Variants in SOX6 observed in about 807,000 individuals in gnomAD.
SOX6 encodes SRY-box transcription factor 6.
Under a neutral mutation model 97.8 loss-of-function variants are expected in SOX6, and 11 were observed. The observed-to-expected ratio is 0.11, with a 90% confidence interval of 0.07 to 0.19. The LOEUF is 0.19. Ranked by LOEUF, SOX6 falls within the 10% of genes least tolerant of loss-of-function variation. SOX6 has a pLI of 1.00. For synonymous variants in SOX6, 360 were observed against 371.4 expected, an observed-to-expected ratio of 0.97 and a Z score of 0.35; for missense variants, 810 against 1,039.5, an observed-to-expected ratio of 0.78 and a Z score of 3.04.
chr11:16,287,199 T>A (rs995141304), intron 3 of SOX6, among the ~76,000 whole-genome samples: 1 of 151,838 alleles, frequency 6.6e-6, no homozygotes, highest in African/African-American at 2.4e-5. Flanking sequence ...AAAGAGATGC[T>A]ATATTGTGCT....
At chr11:16,184,088 G>A (rs1021302528) in intron 5 of SOX6, 134 bp from the exon 6 acceptor site, 2 of 808,178 alleles carry the variant, frequency 2.5e-6, no homozygotes, top group Non-Finnish European at 4.0e-6. Context: ...AATGAGAGAG[G>A]CCAAATCAGA....
intron 9 of SOX6, among the ~76,000 whole-genome samples, chr11:16,084,590 A>G (rs1176937615): frequency 6.6e-6 from 1 of 152,148 alleles, no homozygotes; most frequent in Non-Finnish European, 1.5e-5. Flanking sequence ...TGAGGTTCAC[A>G]GGAAATTAGC....
intron 7 of SOX6, among the ~76,000 whole-genome samples, chr11:16,108,187 A>G (rs1243217380): frequency 6.6e-6 from 1 of 152,192 alleles, no homozygotes; most frequent in African/African-American, 2.4e-5. Context: ...AGTATCAATC[A>G]GTAAGCTTTA....
At chr11:16,646,732 C>T (rs1009237841) in intron 3 of SOX6, among the ~76,000 whole-genome samples, 1 of 152,170 alleles carries the variant, frequency 6.6e-6, no homozygotes, top group Admixed American at 6.5e-5. Flanking sequence ...TTTGGTTTTC[C>T]ATTCCTCAGT....
intron 12 of SOX6, among the ~76,000 whole-genome samples, chr11:16,032,911 G>C (rs1855417912): frequency 6.6e-6 from 1 of 152,128 alleles, no homozygotes; most frequent in African/African-American, 2.4e-5. Flanking sequence ...CTCTTCTACA[G>C]AACTTTTTTT....
At position 16,440,302 on chromosome 11, in the gene SOX6, T is replaced by G. The variant is rs143899188; in HGVS notation, c.-5+36013A>C. On this transcript the variant is annotated intron_variant, in intron 1 of 15. Coordinates refer to the SOX6 transcript ENST00000396356. ...ATGTCAGGAAGAATTAATTTCCTCATTTTTCAAAAGGATACACAGAAATTA... is the reference window on the plus strand; with the variant it reads ...ATGTCAGGAAGAATTAATTTCCTCAGTTTTCAAAAGGATACACAGAAATTA... 5.9e-3 allele frequency among the ~76,000 whole-genome samples: 894 copies of G among 152,308 alleles called. 13 individuals are homozygous for G. The highest frequency in any genetic ancestry group is 0.019 in the African/African-American group (801 of 41,566).
intron 9 of SOX6, among the ~76,000 whole-genome samples, chr11:16,075,917 G>A (rs1157823403): frequency 6.6e-6 from 1 of 151,784 alleles, no homozygotes; most frequent in African/African-American, 2.4e-5. Flanking sequence ...TTCACTTCCT[G>A]TGAGAACAGC....
At chr11:16,261,198 T>C (rs1423871332) in intron 3 of SOX6, among the ~76,000 whole-genome samples, 3 of 152,170 alleles carry the variant, frequency 2.0e-5, no homozygotes, top group African/African-American at 7.2e-5. Flanking sequence ...AATCCATCTG[T>C]CTTGCTCACT....
At chr11:15,982,422 A>G (rs1408674834) in intron 15 of SOX6, among the ~76,000 whole-genome samples, 1 of 152,068 alleles carries the variant, frequency 6.6e-6, no homozygotes, top group Non-Finnish European at 1.5e-5. Context: ...TATCATTGCT[A>G]AAAAAGTAGC....
chr11:16,604,104 G>A (rs1461227937), intron 4 of SOX6, among the ~76,000 whole-genome samples: 1 of 152,248 alleles, frequency 6.6e-6, no homozygotes, highest in East Asian at 1.9e-4. Context: ...AAATGCCATT[G>A]CGGGATCAGC....
chr11:16,236,796 T>A (rs1853037977), intron 3 of SOX6, among the ~76,000 whole-genome samples: 1 of 151,916 alleles, frequency 6.6e-6, no homozygotes, highest in Non-Finnish European at 1.5e-5. Context: ...TAAAACTTCA[T>A]GGGAGAAAAA....
Position 16,300,737 on chromosome 11 carries a change from A to G in SOX6, c.445+17709T>C, listed in dbSNP as rs1384709459. On this transcript the variant is annotated intron_variant, in intron 3 of 15. Transcript: ENST00000683767. This position sits in a 1 kb window ranked among gnomAD's most constrained non-coding sequence, Gnocchi z 4.1. ...GGCTGTTCACCTTAACAACTAGGAA[A>G]TTCACTTCTACCTAGGCCACCTCAA... Among the ~76,000 whole-genome samples the G allele has an allele frequency of 6.6e-6, 1 of 152,194 alleles. No individual in the cohort carries two copies. The highest frequency in any genetic ancestry group is 1.5e-5 in the Non-Finnish European group (1 of 68,028).
chr11:15,995,521 G>C (rs754380860), intron 13 of SOX6, among the ~76,000 whole-genome samples: 1 of 152,072 alleles, frequency 6.6e-6, no homozygotes, highest in Non-Finnish European at 1.5e-5. Flanking sequence ...AAAAGTATGA[G>C]TTGTACAAAC....
chr11:16,242,768 T>G (rs1452136713), intron 3 of SOX6, among the ~76,000 whole-genome samples: 3 of 151,962 alleles, frequency 2.0e-5, no homozygotes, highest in African/African-American at 7.2e-5. Flanking sequence ...TTATAAAATG[T>G]TTTTACTGAT....
chr11:16,204,700 A>G (rs1428613897), intron 4 of SOX6, among the ~76,000 whole-genome samples: 1 of 152,122 alleles, frequency 6.6e-6, no homozygotes, highest in African/African-American at 2.4e-5. Flanking sequence ...TATCTTATCT[A>G]TTAAAAACTA....
intron 4 of SOX6, among the ~76,000 whole-genome samples, chr11:16,494,624 C>T (rs894796466): frequency 1.3e-5 from 2 of 151,956 alleles, no homozygotes; most frequent in Admixed American, 6.5e-5. Flanking sequence ...CCCTTCAAAT[C>T]GATCACTTAA....
At chr11:16,341,345 G>A in intron 1 of SOX6, 93 bp from the exon 2 acceptor site, 1 of 1,502,970 alleles carries the variant, frequency 6.7e-7, no homozygotes, top group Non-Finnish European at 8.9e-7. Context: ...AAGAAGGAAA[G>A]TTATTTAACT....
At chr11:16,409,924 AC>A (rs1452364226) in intron 1 of SOX6, among the ~76,000 whole-genome samples, 7 of 152,086 alleles carry the variant, frequency 4.6e-5, no homozygotes, top group African/African-American at 1.7e-4. Context: ...AAAACCAAAA[AC>A]CACATGTTCT....
At chr11:16,289,465 G>A (rs1854845830) in intron 3 of SOX6, among the ~76,000 whole-genome samples, 1 of 151,910 alleles carries the variant, frequency 6.6e-6, no homozygotes, top group Non-Finnish European at 1.5e-5. Context: ...AACAACTGAG[G>A]TATCTCACTT....
Sources: gnomAD v4.1 joint callset for allele counts (sites outside exome capture counted in the v4.1 genomes callset) on GRCh38, gnomAD v4.1.1 for gene constraint, Gnocchi (gnomAD v3.1) non-coding constraint, MANE v1.5 for transcripts, NCBI Gene and HGNC (gene_info 2026-07-23, HGNC 2026-07-21) for gene names.